Variants in PRDM4 observed in about 807,000 individuals in gnomAD.
PRDM4 encodes the protein PR domain zinc finger protein 4.
PRDM4 carries 38 observed loss-of-function variants against 62.3 expected under a neutral mutation model. The observed-to-expected ratio is 0.61, with a 90% CI of 0.47 to 0.80. PRDM4 has a LOEUF of 0.80. PRDM4 is among the 30% of genes least tolerant of loss of function. PRDM4 has a pLI of 0.00. For missense variants in PRDM4, 858 were observed against 997.1 expected (o/e 0.86, Z 1.88); for synonymous variants, 339 against 348.2 (o/e 0.97, Z 0.30).
chr12:107,751,990 T>C lies in PRDM4; in HGVS notation c.551A>G (p.His184Arg). The C allele has an allele frequency of 1.9e-6, 3 of 1,614,240 alleles. No homozygotes were observed. Among genetic ancestry groups the C allele is most frequent in the African/African-American group, 1.3e-5 (1 of 75,060 alleles). The change falls in exon 5 of 12, where the codon CAT becomes CGT. Residue 184 changes from histidine to arginine, a missense_variant. His to Arg is a conservative substitution (Grantham distance 29). Transcript: ENST00000228437. ...GATTGCTGTGTCCAAGGCCACCTCA[T>C]GGCCATCACTGGGATGAAGACTTTG... ...GAQSLHPSDG[H>R]EVALDTAITM...
chr12:107,753,107 C>T (rs550886055), intron 4 of PRDM4, among the ~76,000 whole-genome samples: 2 of 152,354 alleles, frequency 1.3e-5, no homozygotes, highest in African/African-American at 2.4e-5. Flanking sequence ...CACAGTGGCT[C>T]ATGCCTGTAA....
intron 11 of PRDM4, among the ~76,000 whole-genome samples, chr12:107,735,018 C>G (rs1335595073): frequency 6.6e-6 from 1 of 152,022 alleles, no homozygotes; most frequent in Non-Finnish European, 1.5e-5. Context: ...GAGACAGGGT[C>G]CCACCATGTT....
chr12:107,737,589 T>C (rs1183418544), intron 11 of PRDM4, among the ~76,000 whole-genome samples: 1 of 152,174 alleles, frequency 6.6e-6, no homozygotes, highest in East Asian at 1.9e-4. Context: ...AAACTATAAT[T>C]GTGTGATCTT....
intron 8 of PRDM4, 99 bp downstream of exon 8, chr12:107,743,098 T>C (rs1333250181): frequency 6.2e-6 from 6 of 962,284 alleles, no homozygotes; most frequent in African/African-American, 1.6e-5. Flanking sequence ...CAGGTGTTGG[T>C]GTAATTTGGA....
chr12:107,760,181 C>G (rs1167226603), intron 2 of PRDM4, among the ~76,000 whole-genome samples: 1 of 152,162 alleles, frequency 6.6e-6, no homozygotes, highest in Admixed American at 6.5e-5. Flanking sequence ...ACCAGCAAAA[C>G]TCAAGGTGAA....
intron 11 of PRDM4, 62 bp downstream of exon 11, chr12:107,739,321 G>A: frequency 1.3e-6 from 2 of 1,556,052 alleles, no homozygotes; most frequent in Non-Finnish European, 1.7e-6. Context: ...TCAGCAGGTG[G>A]GCTGCAGCCA....
At chr12:107,749,913 C>T (rs1890836625) in intron 5 of PRDM4, among the ~76,000 whole-genome samples, 1 of 152,160 alleles carries the variant, frequency 6.6e-6, no homozygotes. Flanking sequence ...AATTCTGAAA[C>T]ACTCATGATT....
intron 10 of PRDM4, among the ~76,000 whole-genome samples, chr12:107,740,350 G>GCAT (rs1200299589): frequency 6.6e-6 from 1 of 152,062 alleles, no homozygotes. Context: ...AGTCAGGTGT[G>GCAT]GTGGCGCATG....
At position 107,733,824 on chromosome 12, in the gene PRDM4, T is replaced by C. The variant is rs929011743; in HGVS notation, c.*386A>G. 1 of 218,424 alleles carries C rather than the reference T, an allele frequency of 4.6e-6. No homozygotes were observed. The highest frequency in any genetic ancestry group is 2.4e-5 in the African/African-American group (1 of 42,420). 13.5% of individuals were successfully genotyped at this position (218,424 alleles called of 1,614,324 possible). On this transcript the variant is annotated 3_prime_UTR_variant, in exon 12 of 12. Coordinates refer to ENST00000228437, the MANE Select transcript of PRDM4 (RefSeq NM_012406.4). Reference sequence around the variant, plus strand: ...GGATGGCTATGGGGCAAGGACCGTTTAGAATGTTACCAAGTCACAGGACCA... The same window carrying C: ...GGATGGCTATGGGGCAAGGACCGTTCAGAATGTTACCAAGTCACAGGACCA...
At chr12:107,742,177 TA>T (rs749074975) in intron 9 of PRDM4, 43 bp downstream of exon 9, 2 of 1,571,510 alleles carry the variant, frequency 1.3e-6, no homozygotes, top group Non-Finnish European at 1.7e-6. Flanking sequence ...TGGTCTTTGG[TA>T]TTTTTACTAA....
intron 11 of PRDM4, among the ~76,000 whole-genome samples, chr12:107,736,175 G>A (rs1316129805): frequency 6.6e-6 from 1 of 152,222 alleles, no homozygotes; most frequent in African/African-American, 2.4e-5. Flanking sequence ...TAGGGCTATA[G>A]GATGTGGGTA....
chr12:107,737,456 T>C (rs919605222), intron 11 of PRDM4, among the ~76,000 whole-genome samples: 8 of 152,156 alleles, frequency 5.3e-5, no homozygotes, highest in Non-Finnish European at 8.8e-5. Context: ...CCATGAAAGT[T>C]TGGCAAAGAG....
Position 107,752,075 on chromosome 12 carries a change from C to A in PRDM4, c.466G>T (p.Val156Phe). ...GAAACAATGCCTGGTTCTAATCCAA[C>A]ATTTCCATTGGACTGATAGGGATCT... ...ALDPYQSNGNVGLEPGIVSID... is the reference protein window; with the variant it reads ...ALDPYQSNGNFGLEPGIVSID... The change falls in exon 5 of 12, where the codon GTT becomes TTT. Residue 156 changes from valine to phenylalanine, a missense_variant. Val to Phe is a conservative substitution (Grantham distance 50, BLOSUM62 -1). Around this residue, in one of 3 missense-constraint regions of PRDM4, gnomAD observed 499 missense variants for 546.7 expected, o/e 0.91. Coordinates refer to ENST00000228437, the MANE Select transcript of PRDM4 (RefSeq NM_012406.4). 1 of 1,613,864 alleles carries A rather than the reference C, an allele frequency of 6.2e-7. No homozygotes were observed. Among genetic ancestry groups the A allele is most frequent in the African/African-American group, 1.3e-5 (1 of 75,028 alleles).
At position 107,743,182 on chromosome 12, in the gene PRDM4, C is replaced by T; in HGVS notation, c.1481+15G>A. The T allele has an allele frequency of 1.9e-6, 3 of 1,581,814 alleles. No homozygotes were observed. Among genetic ancestry groups the T allele is most frequent in the Non-Finnish European group, 2.6e-6 (3 of 1,151,394 alleles). ...TAAATGGTAACTATTTTTTCTCATC[C>T]AAGACTACTCATACCTGGCTTTGCG... On this transcript the variant is annotated intron_variant, in intron 8 of 11. Coordinates refer to ENST00000228437, the MANE Select transcript of PRDM4 (RefSeq NM_012406.4).
chr12:107,734,970 GTTTTTAAATT>G (rs1019358393), intron 11 of PRDM4, among the ~76,000 whole-genome samples: 3 of 152,058 alleles, frequency 2.0e-5, no homozygotes, highest in African/African-American at 7.2e-5. Flanking sequence ...GTGCTAGAAC[GTTTTTAAATT>G]TTTTTAAATT....
At chr12:107,752,765 T>C (rs769732768) in intron 4 of PRDM4, among the ~76,000 whole-genome samples, 2 of 152,154 alleles carry the variant, frequency 1.3e-5, no homozygotes, top group African/African-American at 4.8e-5. Context: ...GAAGCATATA[T>C]ATTAGGAGCC....
chr12:107,746,640 A>C (rs1455205494), intron 5 of PRDM4, among the ~76,000 whole-genome samples: 21 of 152,016 alleles, frequency 1.4e-4, no homozygotes. Context: ...GTGTGCCACC[A>C]TGCCCAGCTA....
At chr12:107,745,567 G>A (rs1890674673) in intron 6 of PRDM4, among the ~76,000 whole-genome samples, 1 of 152,146 alleles carries the variant, frequency 6.6e-6, no homozygotes, top group Non-Finnish European at 1.5e-5. Context: ...GCAACAGAGT[G>A]AGACCCAGTC....
chr12:107,744,215 G>A (rs1194603908), intron 7 of PRDM4, among the ~76,000 whole-genome samples: 1 of 152,064 alleles, frequency 6.6e-6, no homozygotes, highest in Admixed American at 6.6e-5. Context: ...TACAAAGTAA[G>A]ACTTTTATCA....
Sources: gnomAD v4.1 joint callset for allele counts (sites outside exome capture counted in the v4.1 genomes callset) on GRCh38, gnomAD v4.1.1 for gene constraint, gnomAD v4.1.1 regional missense constraint, MANE v1.5 for transcripts, NCBI Gene and HGNC (gene_info 2026-07-23, HGNC 2026-07-21) for gene names.